The following MYO3B variants were observed in gnomAD, a reference collection of about 807,000 sequenced individuals.
MYO3B encodes the protein myosin IIIB, also known as myosin-IIIb.
In MYO3B, 156 loss-of-function variants were observed where a neutral mutation model predicts 174.6. That is an observed-to-expected ratio of 0.89 (90% CI 0.78 to 1.02). The LOEUF (loss-of-function observed/expected upper bound fraction) is 1.02, where lower values mean the gene tolerates loss of function less well. Ranked by LOEUF, MYO3B falls within the 50% of genes least tolerant of loss-of-function variation. The pLI, the probability that MYO3B is intolerant of heterozygous loss-of-function variation, is 0.00. For missense variants in MYO3B, 1,632 were observed against 1,639.4 expected (o/e 1.00, Z 0.08); for synonymous variants, 563 against 569.1 (o/e 0.99, Z 0.15).
chr2:170,202,526 A>G (rs569547808), intron 3 of MYO3B, among the ~76,000 whole-genome samples: 2 of 152,342 alleles, frequency 1.3e-5, no homozygotes, highest in Admixed American at 1.3e-4. Context: ...GAAGTGAGTA[A>G]CATGCCTATG....
rs749128432 is a variant in MYO3B, at chr2:170,463,413, A to G, written c.2776A>G (p.Met926Val). 3 of 1,614,156 alleles carry G rather than the reference A, an allele frequency of 1.9e-6. No homozygotes were observed. Among genetic ancestry groups the G allele is most frequent in the Non-Finnish European group, 1.7e-6 (2 of 1,180,032 alleles). The part of the protein sequence containing the change: ...VIRHPEETTN[M>V]KRQTVASYFR... ...ACGGCATCCGGAAGAAACCACCAAC[A>G]TGAAGAGGCAAACTGTGGCTTCTTA... Residue 926 changes from methionine to valine, a missense_variant, in exon 24 of 35, where the codon ATG becomes GTG. Coordinates refer to ENST00000408978, the MANE Select transcript of MYO3B (RefSeq NM_138995.5).
intron 22 of MYO3B, among the ~76,000 whole-genome samples, chr2:170,413,819 CA>C (rs1162540882): frequency 6.6e-6 from 1 of 152,014 alleles, no homozygotes; most frequent in Non-Finnish European, 1.5e-5. Context: ...GCGGGTGGAT[CA>C]CGAGGTCAGG....
chr2:170,388,149 T>C (rs1030435942), intron 14 of MYO3B, among the ~76,000 whole-genome samples: 43 of 152,282 alleles, frequency 2.8e-4, no homozygotes, highest in African/African-American at 1.0e-3. Flanking sequence ...TAATGCATTA[T>C]TGAATCCCTG....
intron 25 of MYO3B, among the ~76,000 whole-genome samples, chr2:170,493,765 C>G (rs758397908): frequency 6.7e-6 from 1 of 150,338 alleles, no homozygotes; most frequent in Non-Finnish European, 1.5e-5. Context: ...AACCCCAAGA[C>G]GCTTTGTTCT....
chr2:170,626,313 C>T (rs146365545), intron 32 of MYO3B, among the ~76,000 whole-genome samples: 3,546 of 152,114 alleles, frequency 0.023, 170 homozygotes, highest in East Asian at 0.14. Flanking sequence ...ATGTAATGGC[C>T]TTCTTTATCT....
At chr2:170,303,859 T>G (rs1401609751) in intron 7 of MYO3B, among the ~76,000 whole-genome samples, 1 of 152,178 alleles carries the variant, frequency 6.6e-6, no homozygotes, top group Non-Finnish European at 1.5e-5. Flanking sequence ...TTGATTTTTT[T>G]ACCAAAATAT....
intron 3 of MYO3B, among the ~76,000 whole-genome samples, chr2:170,213,022 C>T (rs1413718056): frequency 6.6e-6 from 1 of 152,214 alleles, no homozygotes; most frequent in Non-Finnish European, 1.5e-5. Flanking sequence ...ATACAGCATG[C>T]TGCCTACAAT....
chr2:170,235,922 C>A, intron 6 of MYO3B, 69 bp from the exon 7 acceptor site: 2 of 1,597,876 alleles, frequency 1.3e-6, no homozygotes, highest in Non-Finnish European at 1.7e-6. Context: ...TAAGATCAGC[C>A]CAGGGCCTTT....
chr2:170,310,774 G>A (rs181605935), intron 7 of MYO3B, among the ~76,000 whole-genome samples: 1 of 151,818 alleles, frequency 6.6e-6, no homozygotes, highest in African/African-American at 2.4e-5. Flanking sequence ...ACATTTTCTG[G>A]TTGAATATGT....
intron 32 of MYO3B, among the ~76,000 whole-genome samples, chr2:170,626,041 G>A (rs978696851): frequency 3.3e-5 from 5 of 152,188 alleles, no homozygotes; most frequent in African/African-American, 1.2e-4. Context: ...TTGATTTGGG[G>A]TGGAAAGTTC....
chr2:170,539,378 T>G (rs1284267419), intron 30 of MYO3B, among the ~76,000 whole-genome samples: 2 of 152,204 alleles, frequency 1.3e-5, no homozygotes, highest in African/African-American at 4.8e-5. Flanking sequence ...CTGGGTGATA[T>G]TACATACTTC....
chr2:170,236,555 A>G (rs1302289715), intron 7 of MYO3B, among the ~76,000 whole-genome samples: 1 of 152,256 alleles, frequency 6.6e-6, no homozygotes, highest in Non-Finnish European at 1.5e-5. Flanking sequence ...ATTGAAATGT[A>G]TCAGAAAATG....
Position 170,509,699 on chromosome 2 carries a change from TTGAGGCCC to T in MYO3B, c.3371-5220_3371-5213del, listed in dbSNP as rs139516188. Among the ~76,000 whole-genome samples, 1,374 of 152,324 alleles carry T rather than the reference TTGAGGCCC, an allele frequency of 9.0e-3. 31 individuals carry two copies. Among genetic ancestry groups the T allele is most frequent in the African/African-American group, 0.031 (1,293 of 41,564 alleles). On this transcript the variant is annotated intron_variant, in intron 28 of 34. Transcript: ENST00000408978. ...GACATCATTTGTCCCCCTCACTAGT[TTGAGGCCC>T]TTTTGCAACTTGTTCTGAAAGATAG...
At chr2:170,558,278 TACA>T (rs202089415) in intron 32 of MYO3B, among the ~76,000 whole-genome samples, 2,559 of 150,742 alleles carry the variant, frequency 0.017, 69 homozygotes, top group East Asian at 0.088. Context: ...TCCAGCCTGG[TACA>T]GACAGAGTGA....
intron 7 of MYO3B, among the ~76,000 whole-genome samples, chr2:170,275,748 TA>T (rs920837929): frequency 5.3e-5 from 8 of 151,980 alleles, no homozygotes; most frequent in African/African-American, 1.7e-4. Context: ...ATCTGTGCAT[TA>T]AAAAAAATAC....
intron 22 of MYO3B, among the ~76,000 whole-genome samples, chr2:170,427,220 T>G (rs1402203482): frequency 1.3e-5 from 2 of 152,218 alleles, no homozygotes; most frequent in African/African-American, 4.8e-5. Flanking sequence ...TAGAGTTCCT[T>G]CATCAGATAA....
At chr2:170,444,845 ACTTCACG>A in intron 23 of MYO3B, among the ~76,000 whole-genome samples, 1 of 152,320 alleles carries the variant, frequency 6.6e-6, no homozygotes, top group Non-Finnish European at 1.5e-5. Context: ...CAACCTTGCT[ACTTCACG>A]GCAAAACATT....
chr2:170,234,373 T>TGGCAGAA (rs1392133929), intron 6 of MYO3B, among the ~76,000 whole-genome samples: 1 of 152,134 alleles, frequency 6.6e-6, no homozygotes, highest in Non-Finnish European at 1.5e-5. Context: ...TGTCCTCACA[T>TGGCAGAA]GGCAGAAGGC....
chr2:170,595,704 C>T (rs1694104302), intron 32 of MYO3B, among the ~76,000 whole-genome samples: 2 of 152,122 alleles, frequency 1.3e-5, no homozygotes, highest in East Asian at 3.9e-4. Flanking sequence ...TCCCAAGGTG[C>T]TGGGATTATA....
Sources: gnomAD v4.1 joint callset for allele counts (sites outside exome capture counted in the v4.1 genomes callset) on GRCh38, gnomAD v4.1.1 for gene constraint, MANE v1.5 for transcripts, NCBI Gene and HGNC (gene_info 2026-07-23, HGNC 2026-07-21) for gene names.